The following MAGI2 variants were observed in gnomAD, a reference collection of about 807,000 sequenced individuals.
MAGI2 encodes membrane associated guanylate kinase, WW and PDZ domain containing 2.
MAGI2 carries 35 observed loss-of-function variants against 133.3 expected under a neutral mutation model. The ratio of observed to expected loss-of-function variants is 0.26; its 90% confidence interval spans 0.20 to 0.35. MAGI2 has a LOEUF of 0.35. Among genes scored for constraint, MAGI2 ranks in the 10% least tolerant of loss-of-function variants. The pLI is 1.00. For synonymous variants in MAGI2, 729 were observed against 710.6 expected, an observed-to-expected ratio of 1.03 and a Z score of -0.41; for missense variants, 1,636 against 1,863.4, an observed-to-expected ratio of 0.88 and a Z score of 2.25.
chr7:78,654,703 GTATATATATATA>G (rs57776940), intron 2 of MAGI2, among the ~76,000 whole-genome samples: 11,870 of 117,850 alleles, frequency 0.1, 551 homozygotes, highest in South Asian at 0.14. Context: ...TTACATATAT[GTATATATATATA>G]TATATATATA....
At chr7:79,353,736 C>T (rs1031755461) in intron 1 of MAGI2, 1 of 259,516 alleles carries the variant, frequency 3.9e-6, no homozygotes, top group Non-Finnish European at 7.9e-6. Flanking sequence ...TGATTAGTCT[C>T]CTTCTAGGTC....
intron 9 of MAGI2, among the ~76,000 whole-genome samples, chr7:78,314,659 T>C (rs1787220892): frequency 6.6e-6 from 1 of 152,200 alleles, no homozygotes; most frequent in Non-Finnish European, 1.5e-5. Flanking sequence ...TTTCAGCCTA[T>C]TACTTTTTGT....
chr7:78,395,497 T>C (rs1193768985), intron 6 of MAGI2, among the ~76,000 whole-genome samples: 1 of 152,164 alleles, frequency 6.6e-6, no homozygotes, highest in East Asian at 1.9e-4. Context: ...CCACCAGTAA[T>C]CAGCCATTTG....
intron 1 of MAGI2, among the ~76,000 whole-genome samples, chr7:79,240,905 G>T (rs1832350992): frequency 6.6e-6 from 1 of 152,062 alleles, no homozygotes; most frequent in African/African-American, 2.4e-5. Flanking sequence ...GGAGGTAACG[G>T]CTGGGCACAT....
intron 2 of MAGI2, among the ~76,000 whole-genome samples, chr7:78,700,487 TGAGA>T (rs1380615893): frequency 1.3e-5 from 2 of 152,134 alleles, no homozygotes; most frequent in African/African-American, 4.8e-5. Flanking sequence ...ATGTGGTGTT[TGAGA>T]GAGAGGCTCA....
chr7:78,497,593 A>T (rs1299267493), intron 5 of MAGI2, among the ~76,000 whole-genome samples: 1 of 152,212 alleles, frequency 6.6e-6, no homozygotes, highest in East Asian at 1.9e-4. Context: ...ACATTATTGC[A>T]TAAAAAAAGA....
At chr7:78,230,918 C>T (rs1418691007) in intron 10 of MAGI2, among the ~76,000 whole-genome samples, 2 of 152,106 alleles carry the variant, frequency 1.3e-5, no homozygotes, top group Middle Eastern at 3.2e-3. Flanking sequence ...AATTTAGAGA[C>T]GTTTGTTGAA....
intron 2 of MAGI2, among the ~76,000 whole-genome samples, chr7:78,828,162 G>A (rs927484452): frequency 4.6e-5 from 7 of 152,126 alleles, no homozygotes; most frequent in African/African-American, 1.7e-4. Flanking sequence ...TGGGATTACA[G>A]GCATAAGCCA....
chr7:78,651,066 C>T (rs550850734), intron 2 of MAGI2, among the ~76,000 whole-genome samples: 28 of 152,166 alleles, frequency 1.8e-4, no homozygotes, highest in Admixed American at 1.6e-3. Context: ...CTCTGTTATC[C>T]TTGAAGATTC....
chr7:79,082,134 T>C (rs1332597290), intron 1 of MAGI2, among the ~76,000 whole-genome samples: 1 of 152,104 alleles, frequency 6.6e-6, no homozygotes, highest in Non-Finnish European at 1.5e-5. Context: ...TTACCAGATA[T>C]ATGATTTGCA....
At position 79,020,765 on chromosome 7, in the gene MAGI2, T is replaced by TAA. The variant is rs3069467; in HGVS notation, c.302-13561_302-13560dup. Reference sequence around the variant, plus strand: ...TGGGTGACAGAGCAAGACTCTGTCTTAAAAAAAAAAAAAGGAAAGAAAAAA... The same window carrying TAA: ...TGGGTGACAGAGCAAGACTCTGTCTTAAAAAAAAAAAAAAAGGAAAGAAAAAA... On this transcript the variant is annotated intron_variant, in intron 1 of 21. Transcript: ENST00000354212. 2.5e-4 allele frequency among the ~76,000 whole-genome samples: 35 copies of TAA among 139,116 alleles called. 1 individual carries two copies. Among genetic ancestry groups the TAA allele is most frequent in the Non-Finnish European group, 3.1e-4 (20 of 65,294 alleles). The allele number at this position is 139,116 out of a possible 152,430, so 91.3% of individuals were successfully genotyped here.
intron 2 of MAGI2, among the ~76,000 whole-genome samples, chr7:78,715,845 A>ATTTTGTATTTTGTATTTTGTATTTTGT (rs60253694): frequency 5.3e-5 from 8 of 151,424 alleles, no homozygotes; most frequent in African/African-American, 1.9e-4. Flanking sequence ...AAATAAATAC[A>ATTTTGTATTTTGTATTTTGTATTTTGT]AAATATAAGT....
chr7:79,311,043 TTG>T lies in MAGI2; in HGVS notation c.301+141975_301+141976del, dbSNP rs1212199917. On this transcript the variant is annotated intron_variant, in intron 1 of 21. Transcript: ENST00000354212. ...TTACAATAAAACCACCCCCAACAAA[TTG>T]TTTCTGATCACTATTTTCAATTTTC... Among the ~76,000 whole-genome samples, 4 of 152,172 alleles carry T rather than the reference TTG, an allele frequency of 2.6e-5. No individual in the cohort carries two copies. The East Asian group carries it at 7.7e-4, about 29-fold the overall frequency.
chr7:78,205,987 A>G (rs558688369), intron 10 of MAGI2, among the ~76,000 whole-genome samples: 4 of 152,296 alleles, frequency 2.6e-5, no homozygotes, highest in Non-Finnish European at 5.9e-5. Flanking sequence ...GGCCATTTTC[A>G]AACTGCTTGA....
At chr7:79,043,860 C>A in intron 1 of MAGI2, among the ~76,000 whole-genome samples, 1 of 151,980 alleles carries the variant, frequency 6.6e-6, no homozygotes, top group Middle Eastern at 3.2e-3. Flanking sequence ...GAAATAGAAA[C>A]TATGAACAGA....
intron 1 of MAGI2, among the ~76,000 whole-genome samples, chr7:79,069,894 G>C (rs776020574): frequency 2.0e-5 from 3 of 152,112 alleles, no homozygotes; most frequent in African/African-American, 7.2e-5. Flanking sequence ...GTAATTCTGG[G>C]TTGAAAATTC....
At chr7:78,859,434 G>A (rs540061242) in intron 2 of MAGI2, among the ~76,000 whole-genome samples, 9 of 151,770 alleles carry the variant, frequency 5.9e-5, no homozygotes, top group Non-Finnish European at 1.0e-4. Context: ...GGGCAGGCCT[G>A]GTGGTGACAA....
intron 2 of MAGI2, among the ~76,000 whole-genome samples, chr7:78,649,289 A>AT (rs963463928): frequency 3.5e-5 from 5 of 141,840 alleles, no homozygotes; most frequent in African/African-American, 5.2e-5. Flanking sequence ...ATTTTTATAA[A>AT]TTTTTTAAAA....
intron 20 of MAGI2, among the ~76,000 whole-genome samples, chr7:78,119,286 G>A (rs1409750815): frequency 6.6e-6 from 1 of 152,090 alleles, no homozygotes; most frequent in Non-Finnish European, 1.5e-5. Context: ...CCGGCCGGGG[G>A]CAGTGGCTCA....
Sources: allele counts gnomAD v4.1 joint callset (sites outside exome capture counted in the v4.1 genomes callset), GRCh38; gene constraint gnomAD v4.1.1; transcripts MANE v1.5; gene names NCBI Gene and HGNC (gene_info 2026-07-23, HGNC 2026-07-21).